CDH10: variants seen among roughly 807,000 people sequenced by gnomAD.
CDH10 encodes cadherin-10.
In CDH10, 30 loss-of-function variants were observed where a neutral mutation model predicts 73.1. The observed-to-expected ratio is 0.41, with a 90% CI of 0.31 to 0.56. The LOEUF (loss-of-function observed/expected upper bound fraction) is 0.56. CDH10 is among the 20% of genes least tolerant of loss of function. The probability of loss-of-function intolerance (pLI) is 0.27; values close to 1 mark genes in which losing one functional copy is unlikely to be tolerated. For synonymous variants in CDH10, 345 were observed against 348.2 expected (o/e 0.99, Z 0.10); for missense variants, 815 against 973.7 (o/e 0.84, Z 2.17).
intron 9 of CDH10, among the ~76,000 whole-genome samples, chr5:24,497,652 G>A (rs1419787839): frequency 3.9e-5 from 6 of 152,014 alleles, no homozygotes; most frequent in Admixed American, 6.6e-5. Flanking sequence ...ATACAGTTTC[G>A]TGATGGTTCC....
chr5:24,545,359 A>G (rs1007387942), intron 2 of CDH10, among the ~76,000 whole-genome samples: 2 of 152,236 alleles, frequency 1.3e-5, no homozygotes, highest in African/African-American at 4.8e-5. Flanking sequence ...AAAGCAAGAG[A>G]TTCATTTAAA....
intron 2 of CDH10, among the ~76,000 whole-genome samples, chr5:24,584,434 C>T (rs938168986): frequency 3.6e-5 from 4 of 110,084 alleles, no homozygotes; most frequent in Non-Finnish European, 7.7e-5. Flanking sequence ...ACGTTCACAT[C>T]CTTTCTTTTC....
chr5:24,563,328 C>T (rs780270213), intron 2 of CDH10, among the ~76,000 whole-genome samples: 1 of 148,384 alleles, frequency 6.7e-6, no homozygotes, highest in Non-Finnish European at 1.5e-5. Context: ...TTTCTGTATC[C>T]TGTTGACAGG....
At chr5:24,570,651 A>AT (rs1745342089) in intron 2 of CDH10, among the ~76,000 whole-genome samples, 2 of 151,484 alleles carry the variant, frequency 1.3e-5, no homozygotes, top group Non-Finnish European at 2.9e-5. Context: ...CTTACTGTAA[A>AT]ATATATATAT....
At chr5:24,545,897 C>T (rs147490969) in intron 2 of CDH10, among the ~76,000 whole-genome samples, 418 of 152,160 alleles carry the variant, frequency 2.7e-3, no homozygotes, top group Middle Eastern at 0.01. Flanking sequence ...GTGGTATTTT[C>T]GGACTTTAAA....
intron 1 of CDH10, among the ~76,000 whole-genome samples, chr5:24,632,061 A>G (rs529925914): frequency 1.3e-5 from 2 of 152,088 alleles, no homozygotes; most frequent in South Asian, 4.1e-4. Context: ...AATCTCCCTT[A>G]TCACTTGAGG....
chr5:24,585,035 A>C (rs1169069886), intron 2 of CDH10, among the ~76,000 whole-genome samples: 1 of 151,906 alleles, frequency 6.6e-6, no homozygotes, highest in African/African-American at 2.4e-5. Flanking sequence ...TTTAGTAGAG[A>C]CAGTGTTTTG....
chr5:24,593,638 A>G (rs1482831509), intron 1 of CDH10, 25 bp from the exon 2 acceptor site: 2 of 553,852 alleles, frequency 3.6e-6, no homozygotes, highest in East Asian at 5.9e-5. Flanking sequence ...ACAAACAAAA[A>G]AAGTTAGTTG....
At chr5:24,598,106 A>C (rs551568994) in intron 1 of CDH10, among the ~76,000 whole-genome samples, 1 of 152,144 alleles carries the variant, frequency 6.6e-6, no homozygotes, top group Non-Finnish European at 1.5e-5. Flanking sequence ...ATGTGTTTAT[A>C]CAATTAAAAT....
rs190666119 is a variant in CDH10 at position 24,509,332 on chromosome 5, C to T, written c.1256+234G>A. On this transcript the variant is annotated intron_variant, in intron 7 of 11. Coordinates refer to ENST00000264463, the MANE Select transcript of CDH10 (RefSeq NM_006727.5). ...TTGGCTCACTGCAACCTCTGCCTCC[C>T]GGGTTCAAGTGATTCTCCTGCCTCA... Among the ~76,000 whole-genome samples, 100 of 149,750 alleles carry T rather than the reference C, an allele frequency of 6.7e-4. No individual in the cohort carries two copies. In the East Asian group the frequency reaches 0.016, roughly 24 times the overall value.
chr5:24,537,826 G>T (rs901963826), intron 2 of CDH10, 152 bp from the exon 3 acceptor site: 5 of 555,282 alleles, frequency 9.0e-6, no homozygotes, highest in Non-Finnish European at 1.6e-5. Flanking sequence ...TTGATCACAC[G>T]CATTTATACA....
intron 2 of CDH10, among the ~76,000 whole-genome samples, chr5:24,584,601 G>A (rs1201298803): frequency 6.6e-6 from 1 of 151,736 alleles, no homozygotes; most frequent in Non-Finnish European, 1.5e-5. Flanking sequence ...CCCCTGAGAA[G>A]CTGGGACTAC....
chr5:24,556,588 T>G (rs888911816), intron 2 of CDH10, among the ~76,000 whole-genome samples: 1 of 151,708 alleles, frequency 6.6e-6, no homozygotes, highest in Non-Finnish European at 1.5e-5. Context: ...TATAATGAGC[T>G]CCATCCTTAC....
chr5:24,581,080 G>T (rs1257211399), intron 2 of CDH10, among the ~76,000 whole-genome samples: 1 of 152,124 alleles, frequency 6.6e-6, no homozygotes, highest in Admixed American at 6.6e-5. Flanking sequence ...TCACAGTTGT[G>T]AGGATTAGGG....
chr5:24,616,735 C>T (rs918336597), intron 1 of CDH10, among the ~76,000 whole-genome samples: 7 of 152,208 alleles, frequency 4.6e-5, no homozygotes, highest in African/African-American at 1.7e-4. Flanking sequence ...GTATCAAATT[C>T]ATATTTCTAT....
chr5:24,636,366 G>T (rs994999571), intron 1 of CDH10, among the ~76,000 whole-genome samples: 5 of 151,948 alleles, frequency 3.3e-5, no homozygotes, highest in African/African-American at 1.2e-4. Flanking sequence ...GAGCACTTAC[G>T]TTAGGTTGAT....
At chr5:24,590,275 C>T (rs1026680883) in intron 2 of CDH10, among the ~76,000 whole-genome samples, 4 of 151,544 alleles carry the variant, frequency 2.6e-5, no homozygotes, top group African/African-American at 9.7e-5. Context: ...CTTTCTCTCT[C>T]CTCCTCTTAA....
At chr5:24,518,012 A>G (rs974717228) in intron 5 of CDH10, among the ~76,000 whole-genome samples, 58 of 152,314 alleles carry the variant, frequency 3.8e-4, no homozygotes, top group African/African-American at 1.3e-3. Flanking sequence ...TTACAGACAC[A>G]GACAGCTTTA....
chr5:24,490,208 C>T (rs1349314881), intron 11 of CDH10, among the ~76,000 whole-genome samples: 2 of 151,616 alleles, frequency 1.3e-5, no homozygotes, highest in African/African-American at 4.8e-5. Context: ...GTATAAATCC[C>T]CCAAATAAAT....
Sources: gnomAD v4.1 joint callset for allele counts (sites outside exome capture counted in the v4.1 genomes callset) on GRCh38, gnomAD v4.1.1 for gene constraint, MANE v1.5 for transcripts, NCBI Gene and HGNC (gene_info 2026-07-23, HGNC 2026-07-21) for gene names.